CLDN16: variants seen among roughly 807,000 people sequenced by gnomAD.
The protein encoded by CLDN16 is claudin-16.
CLDN16 carries 13 observed loss-of-function variants against 24.6 expected under a neutral mutation model. That is an observed-to-expected ratio of 0.53 (90% confidence interval 0.34 to 0.84). The LOEUF (loss-of-function observed/expected upper bound fraction) is 0.84. Among genes scored for constraint, CLDN16 ranks in the 40% least tolerant of loss-of-function variants. The probability of loss-of-function intolerance (pLI) is 0.01; values close to 1 mark genes in which losing one functional copy is unlikely to be tolerated. For synonymous variants in CLDN16, 116 were observed against 106.7 expected, an observed-to-expected ratio of 1.09 and a Z score of -0.54; for missense variants, 298 against 292.7, an observed-to-expected ratio of 1.02 and a Z score of -0.13.
chr3:190,390,461 G>A (rs1458740384), intron 1 of CLDN16, among the ~76,000 whole-genome samples: 1 of 152,168 alleles, frequency 6.6e-6, no homozygotes, highest in African/African-American at 2.4e-5. Flanking sequence ...TTGAACTAGG[G>A]AGGAGGAGGT....
At chr3:190,390,253 G>C (rs556839851) in intron 1 of CLDN16, among the ~76,000 whole-genome samples, 1 of 152,204 alleles carries the variant, frequency 6.6e-6, no homozygotes, top group East Asian at 1.9e-4. Context: ...TTTAAAGGAA[G>C]AGGCTGGGCA....
chr3:190,408,836 TATAC>T (rs1719178439), intron 4 of CLDN16, among the ~76,000 whole-genome samples: 1 of 147,766 alleles, frequency 6.8e-6, no homozygotes, highest in Non-Finnish European at 1.5e-5. Flanking sequence ...ATATATACTA[TATAC>T]ATATATATAC....
the CLDN16 span, among the ~76,000 whole-genome samples, chr3:190,316,064 AGGGGCTG>A: frequency 6.6e-6 from 1 of 152,176 alleles, no homozygotes; most frequent in Admixed American, 6.6e-5. Flanking sequence ...GTTCTTTCCA[AGGGGCTG>A]GGGACTGATA....
the CLDN16 span, among the ~76,000 whole-genome samples, chr3:190,302,737 A>C: frequency 0.58 from 86,129 of 149,304 alleles, 25,459 homozygotes; most frequent in African/African-American, 0.71. Context: ...TGTCACTGGA[A>C]TCCAGCCTGA....
the CLDN16 span, among the ~76,000 whole-genome samples, chr3:190,297,797 C>G: frequency 1.4e-5 from 2 of 147,408 alleles, no homozygotes; most frequent in African/African-American, 5.0e-5. Context: ...AAAACCTTTA[C>G]ATTTATCCAG....
chr3:190,349,019 A>G (rs1717616531), intron 1 of CLDN16, among the ~76,000 whole-genome samples: 1 of 152,174 alleles, frequency 6.6e-6, no homozygotes, highest in African/African-American at 2.4e-5. Context: ...TGGCTGCGTA[A>G]TATACCAGCG....
At chr3:190,342,435 G>A (rs1717459306) in intron 1 of CLDN16, among the ~76,000 whole-genome samples, 1 of 152,096 alleles carries the variant, frequency 6.6e-6, no homozygotes, top group Admixed American at 6.5e-5. Context: ...TGACCTAGGT[G>A]AAACAGAAAG....
At chr3:190,315,266 A>T in the CLDN16 span, among the ~76,000 whole-genome samples, 5 of 152,298 alleles carry the variant, frequency 3.3e-5, no homozygotes, top group East Asian at 7.7e-4. Flanking sequence ...TAGGGAAACC[A>T]CATATCTCAG....
the CLDN16 span, among the ~76,000 whole-genome samples, chr3:190,292,705 G>C: frequency 5.9e-5 from 9 of 152,122 alleles, no homozygotes; most frequent in African/African-American, 2.2e-4. Context: ...CAAGTTTAAA[G>C]TTCCACATAT....
At chr3:190,338,443 A>G (rs948305907) in intron 1 of CLDN16, among the ~76,000 whole-genome samples, 7 of 152,158 alleles carry the variant, frequency 4.6e-5, no homozygotes, top group Admixed American at 3.9e-4. Flanking sequence ...TACTTTTCAT[A>G]CCTACGTGAA....
chr3:190,377,223 G>T, intron 3 of CLDN16, among the ~76,000 whole-genome samples: 1 of 152,088 alleles, frequency 6.6e-6, no homozygotes, highest in Non-Finnish European at 1.5e-5. Context: ...ATATTGTGCT[G>T]CATACTTTGC....
At chr3:190,343,707 AG>A (rs1717487795) in intron 1 of CLDN16, among the ~76,000 whole-genome samples, 6 of 152,154 alleles carry the variant, frequency 3.9e-5, no homozygotes, top group Admixed American at 3.9e-4. Context: ...AGACACAGAA[AG>A]AAAAATATCA....
intron 3 of CLDN16, among the ~76,000 whole-genome samples, chr3:190,375,770 A>T (rs1718234555): frequency 6.6e-6 from 1 of 151,844 alleles, no homozygotes; most frequent in Admixed American, 6.6e-5. Flanking sequence ...CCATTTTTAG[A>T]AGATTCGGCT....
chr3:190,368,118 G>C (rs1718062280), intron 1 of CLDN16, among the ~76,000 whole-genome samples: 1 of 151,934 alleles, frequency 6.6e-6, no homozygotes, highest in Non-Finnish European at 1.5e-5. Context: ...ACACTGTACA[G>C]TTTGATCCCA....
exon 1 of CLDN16, chr3:190,322,631 C>G: frequency 3.8e-6 from 1 of 262,232 alleles, no homozygotes; most frequent in East Asian, 1.1e-4. Context: ...TGCGTCCCTG[C>G]TCGCTTTCTC....
chr3:190,379,362 TAGAA>T, intron 3 of CLDN16, among the ~76,000 whole-genome samples: 1 of 152,182 alleles, frequency 6.6e-6, no homozygotes, highest in African/African-American at 2.4e-5. Context: ...TCTCATCTGA[TAGAA>T]AGATAGCAAA....
chr3:190,334,855 C>T (rs1268018682), intron 1 of CLDN16, among the ~76,000 whole-genome samples: 3 of 152,106 alleles, frequency 2.0e-5, no homozygotes, highest in Non-Finnish European at 4.4e-5. Flanking sequence ...GGCTGGTAAG[C>T]GGTGGTTGAC....
At chr3:190,408,201 A>T in intron 3 of CLDN16, 113 bp from the exon 4 acceptor site, 1 of 1,016,304 alleles carries the variant, frequency 9.8e-7, no homozygotes, top group South Asian at 1.3e-5. Flanking sequence ...AATCCATGTT[A>T]CTGTTTTTAC....
At chr3:190,305,565 G>C in the CLDN16 span, 1 of 152,062 alleles carries the variant, frequency 6.6e-6, no homozygotes, top group Non-Finnish European at 1.5e-5. Flanking sequence ...CTAGTGGGTG[G>C]AGCCACTCAA....
Sources: allele counts gnomAD v4.1 joint callset (sites outside exome capture counted in the v4.1 genomes callset), GRCh38; gene constraint gnomAD v4.1.1; transcripts MANE v1.5; gene names NCBI Gene and HGNC (gene_info 2026-07-23, HGNC 2026-07-21).